The following JARID2 variants were observed in gnomAD, a reference collection of about 807,000 sequenced individuals.
JARID2 encodes the protein jumonji and AT-rich interaction domain containing 2, also known as protein Jumonji.
JARID2 carries 21 observed loss-of-function variants against 125.6 expected under a neutral mutation model. The ratio of observed to expected loss-of-function variants is 0.17; its 90% CI spans 0.12 to 0.24. JARID2 has a LOEUF of 0.24. Among genes scored for constraint, JARID2 ranks in the 10% least tolerant of loss-of-function variants. The pLI is 1.00. For synonymous variants in JARID2, 736 were observed against 661.6 expected (o/e 1.11, Z -1.73); for missense variants, 1,303 against 1,639.6 (o/e 0.79, Z 3.55).
intron 6 of JARID2, among the ~76,000 whole-genome samples, chr6:15,494,990 T>C (rs1179700774): frequency 1.3e-5 from 2 of 152,180 alleles, no homozygotes; most frequent in Non-Finnish European, 2.9e-5. Context: ...ATTTTGTGAT[T>C]TTTAGGCTTC....
intron 1 of JARID2, among the ~76,000 whole-genome samples, chr6:15,291,802 T>G (rs1761226477): frequency 6.6e-6 from 1 of 152,210 alleles, no homozygotes; most frequent in African/African-American, 2.4e-5. Flanking sequence ...TTGCTGTAAT[T>G]TTTTTATAGT....
At chr6:15,277,892 T>C (rs549910509) in intron 1 of JARID2, among the ~76,000 whole-genome samples, 2 of 151,444 alleles carry the variant, frequency 1.3e-5, no homozygotes, top group East Asian at 3.9e-4. Context: ...ATCCTTTTTT[T>C]TGGAGAGAGA....
At chr6:15,450,972 G>A (rs768106491) in intron 3 of JARID2, among the ~76,000 whole-genome samples, 1 of 152,066 alleles carries the variant, frequency 6.6e-6, no homozygotes, top group Non-Finnish European at 1.5e-5. Context: ...AGACTAGCCT[G>A]GCCAACATAG....
chr6:15,336,095 GAAT>G (rs1204381086), intron 1 of JARID2, among the ~76,000 whole-genome samples: 3 of 148,682 alleles, frequency 2.0e-5, no homozygotes, highest in African/African-American at 7.3e-5. Flanking sequence ...GTGAATGAAT[GAAT>G]GAATGAATGA....
chr6:15,469,273 T>A (rs1768903859), intron 5 of JARID2, among the ~76,000 whole-genome samples: 1 of 96,496 alleles, frequency 1.0e-5, no homozygotes, highest in Admixed American at 1.1e-4. Context: ...TCTCTGTCTC[T>A]CTGTCTCTCT....
intron 1 of JARID2, among the ~76,000 whole-genome samples, chr6:15,267,181 C>T (rs570077760): frequency 1.3e-5 from 2 of 152,340 alleles, no homozygotes; most frequent in South Asian, 4.1e-4. Flanking sequence ...AAACTCTGAA[C>T]ACAGTGTCCA....
chr6:15,414,270 T>G (rs529552121), intron 3 of JARID2, among the ~76,000 whole-genome samples: 2 of 152,298 alleles, frequency 1.3e-5, no homozygotes, highest in East Asian at 3.9e-4. Context: ...AGCAATTACA[T>G]TTTTCTGATG....
intron 2 of JARID2, among the ~76,000 whole-genome samples, chr6:15,384,312 C>A (rs907278378): frequency 6.6e-6 from 1 of 151,906 alleles, no homozygotes; most frequent in Non-Finnish European, 1.5e-5. Context: ...ATCTTGAACT[C>A]CTGGGCTTAG....
At chr6:15,476,971 G>C (rs1769373700) in intron 5 of JARID2, among the ~76,000 whole-genome samples, 1 of 152,206 alleles carries the variant, frequency 6.6e-6, no homozygotes, top group Non-Finnish European at 1.5e-5. Flanking sequence ...TTGAGGAGGA[G>C]ACCTTGGTGA....
chr6:15,289,373 A>T (rs1192312309), intron 1 of JARID2, among the ~76,000 whole-genome samples: 1 of 152,214 alleles, frequency 6.6e-6, no homozygotes, highest in African/African-American at 2.4e-5. Context: ...ACATAAAGCC[A>T]ATTCTTCTAT....
intron 1 of JARID2, among the ~76,000 whole-genome samples, chr6:15,333,124 G>A (rs1762772550): frequency 6.6e-6 from 1 of 151,698 alleles, no homozygotes; most frequent in African/African-American, 2.4e-5. Context: ...AGTAGAGACG[G>A]GGTTTCACTG....
intron 2 of JARID2, among the ~76,000 whole-genome samples, chr6:15,392,494 G>C (rs765282645): frequency 2.1e-4 from 32 of 152,006 alleles, no homozygotes; most frequent in Non-Finnish European, 3.5e-4. Flanking sequence ...TTGTAACAGG[G>C]GACGACAGAG....
At chr6:15,317,120 T>C (rs1377574159) in intron 1 of JARID2, among the ~76,000 whole-genome samples, 1 of 152,250 alleles carries the variant, frequency 6.6e-6, no homozygotes, top group African/African-American at 2.4e-5. Context: ...TTGTTGCATG[T>C]ACTTAATTTG....
At chr6:15,440,060 T>A (rs973932260) in intron 3 of JARID2, among the ~76,000 whole-genome samples, 1 of 152,232 alleles carries the variant, frequency 6.6e-6, no homozygotes, top group Non-Finnish European at 1.5e-5. Flanking sequence ...AGAATGACTT[T>A]ACCTTCTTGG....
chr6:15,287,068 G>C (rs912221539), intron 1 of JARID2, among the ~76,000 whole-genome samples: 8 of 152,104 alleles, frequency 5.3e-5, no homozygotes, highest in Admixed American at 5.2e-4. Flanking sequence ...GGAGGTTGCG[G>C]TCAGCCCAGA....
chr6:15,402,727 T>G (rs1313620477), intron 2 of JARID2, among the ~76,000 whole-genome samples: 2 of 152,178 alleles, frequency 1.3e-5, no homozygotes, highest in Non-Finnish European at 2.9e-5. Context: ...AGGTGGTCAG[T>G]TCTGGGCCCT....
At position 15,289,577 on chromosome 6, in the gene JARID2, C is replaced by T. The variant is rs111250676; in HGVS notation, c.45+42993C>T. On this transcript the variant is annotated intron_variant, in intron 1 of 17. Transcript: ENST00000341776. Reference sequence around the variant, plus strand: ...AAAAAAAAAAAACCATGTTTTAAGGCCGGGCGCAGTGAGTCACATCTGTAA... The same window carrying T: ...AAAAAAAAAAAACCATGTTTTAAGGTCGGGCGCAGTGAGTCACATCTGTAA... 5.0e-3 allele frequency among the ~76,000 whole-genome samples: 759 copies of T among 152,026 alleles called. 5 individuals carry two copies. The highest frequency in any genetic ancestry group is 0.037 in the South Asian group (178 of 4,818).
intron 1 of JARID2, among the ~76,000 whole-genome samples, chr6:15,352,850 T>C (rs929587675): frequency 3.3e-5 from 5 of 152,258 alleles, no homozygotes; most frequent in East Asian, 1.9e-4. Flanking sequence ...AGGTTACTTA[T>C]TACAGCTGCA....
chr6:15,367,210 T>C (rs1270902104), intron 1 of JARID2, among the ~76,000 whole-genome samples: 1 of 152,244 alleles, frequency 6.6e-6, no homozygotes, highest in Non-Finnish European at 1.5e-5. Flanking sequence ...CATTTTTAAA[T>C]AGATGTAATT....
Sources: gnomAD v4.1 joint callset for allele counts (sites outside exome capture counted in the v4.1 genomes callset) on GRCh38, gnomAD v4.1.1 for gene constraint, MANE v1.5 for transcripts, NCBI Gene and HGNC (gene_info 2026-07-23, HGNC 2026-07-21) for gene names.